Variants in FOXO1 observed in about 807,000 individuals in gnomAD.
FOXO1 encodes forkhead box O1.
In FOXO1, 6 loss-of-function variants were observed where a neutral mutation model predicts 44.1. The observed-to-expected ratio is 0.14, with a 90% CI of 0.07 to 0.27. The LOEUF (loss-of-function observed/expected upper bound fraction) is 0.27. Ranked by LOEUF, FOXO1 falls within the 10% of genes least tolerant of loss-of-function variation. The pLI is 1.00. For missense variants in FOXO1, 737 were observed against 888.8 expected (o/e 0.83, Z 2.17); for synonymous variants, 380 against 362.7 (o/e 1.05, Z -0.54).
intron 1 of FOXO1, among the ~76,000 whole-genome samples, chr13:40,665,333 T>G (rs528860376): frequency 6.6e-6 from 1 of 152,126 alleles, no homozygotes; most frequent in Non-Finnish European, 1.5e-5. Context: ...CTTGGCGCAC[T>G]TTCTTTACTT....
chr13:40,577,587 C>T (rs562449890), intron 1 of FOXO1, among the ~76,000 whole-genome samples: 1 of 152,334 alleles, frequency 6.6e-6, no homozygotes, highest in East Asian at 1.9e-4. Context: ...AGGAACACCA[C>T]ACCTTAGGTT....
intron 1 of FOXO1, chr13:40,620,407 T>C (rs1876569661): frequency 4.5e-6 from 3 of 666,136 alleles, no homozygotes; most frequent in East Asian, 3.1e-5. Context: ...AGTACCATAA[T>C]TCTTCCTAGG....
At chr13:40,658,904 C>A (rs1234239058) in intron 1 of FOXO1, among the ~76,000 whole-genome samples, 3 of 152,076 alleles carry the variant, frequency 2.0e-5, no homozygotes, top group Non-Finnish European at 4.4e-5. Context: ...CTCAGCTACT[C>A]AGGAGGCTGA....
intron 1 of FOXO1, among the ~76,000 whole-genome samples, chr13:40,575,239 G>A (rs542591220): frequency 2.0e-5 from 3 of 152,112 alleles, no homozygotes; most frequent in African/African-American, 7.2e-5. Context: ...AACACAGAAG[G>A]CAGAGGCAGG....
intron 1 of FOXO1, among the ~76,000 whole-genome samples, chr13:40,580,606 T>C (rs1040622459): frequency 1.3e-5 from 2 of 152,106 alleles, no homozygotes; most frequent in Non-Finnish European, 2.9e-5. Context: ...TATTAGATAT[T>C]ATGGGCACAA....
At chr13:40,658,382 G>C (rs1877922745) in intron 1 of FOXO1, among the ~76,000 whole-genome samples, 1 of 152,198 alleles carries the variant, frequency 6.6e-6, no homozygotes, top group Non-Finnish European at 1.5e-5. Flanking sequence ...TTGAAAACTA[G>C]GGAAAGAACT....
chr13:40,581,014 T>C (rs977617776), intron 1 of FOXO1, among the ~76,000 whole-genome samples: 7 of 152,108 alleles, frequency 4.6e-5, no homozygotes, highest in Non-Finnish European at 7.4e-5. Flanking sequence ...GGCAACAACA[T>C]TGGAAAGCCT....
intron 1 of FOXO1, among the ~76,000 whole-genome samples, chr13:40,624,317 T>TTTAA (rs781451856): frequency 9.9e-6 from 1 of 100,952 alleles, no homozygotes; most frequent in African/African-American, 3.4e-5. Context: ...TAATACTGCT[T>TTTAA]AAAAAAAAAA....
chr13:40,610,200 G>C (rs1361935165), intron 1 of FOXO1, among the ~76,000 whole-genome samples: 1 of 152,114 alleles, frequency 6.6e-6, no homozygotes, highest in Non-Finnish European at 1.5e-5. Flanking sequence ...GGTGCTTTTT[G>C]TGGAAGCATG....
At chr13:40,644,143 A>G (rs1356579136) in intron 1 of FOXO1, among the ~76,000 whole-genome samples, 1 of 152,234 alleles carries the variant, frequency 6.6e-6, no homozygotes, top group East Asian at 1.9e-4. Context: ...AGGGCATGCC[A>G]GTAAATATAT....
chr13:40,560,577 T>C lies in FOXO1; in HGVS notation c.914A>G (p.Asp305Gly). The change falls in exon 2 of 3, where the codon GAT (aspartate) becomes GGT (glycine). Residue 305 changes from aspartate (D) to glycine (G), a missense_variant. Coordinates refer to ENST00000379561, the MANE Select transcript of FOXO1 (RefSeq NM_002015.4). This position sits in a 1 kb window ranked among gnomAD's most constrained non-coding sequence, Gnocchi z 5.1. ...AAATGTACTCCAGTTATCAAAGTCA[T>C]CATTGCTGTGAGAGCCAGGGCTTGC... Reference protein sequence around the residue: ...WPASPGSHSNDDFDNWSTFRP... With the variant: ...WPASPGSHSNGDFDNWSTFRP... 6.2e-7 allele frequency: 1 copy of C among 1,614,170 alleles called. No homozygotes were observed. Among genetic ancestry groups the C allele is most frequent in the Non-Finnish European group, 8.5e-7 (1 of 1,180,026 alleles).
rs1351499100 is a variant in FOXO1, at chr13:40,634,320, A to G, written c.630+31263T>C. 2.6e-5 allele frequency among the ~76,000 whole-genome samples: 4 copies of G among 152,240 alleles called. No individual in the cohort carries two copies. In the East Asian group the frequency reaches 7.7e-4, roughly 29 times the overall value. Reference sequence around the variant, plus strand: ...GGTTCATATCCACACAACTGCATACAAGAAAATGTAATTATTACACCTTGC... The same window carrying G: ...GGTTCATATCCACACAACTGCATACGAGAAAATGTAATTATTACACCTTGC... On this transcript the variant is annotated intron_variant, in intron 1 of 2. Transcript: ENST00000379561.
In FOXO1 at chr13:40,624,317, T is replaced by TTAA. The variant is rs781451856; in HGVS notation, c.630+41265_630+41266insTTA. On this transcript the variant is annotated intron_variant, in intron 1 of 2. Transcript: ENST00000379561. ...AAAGCTCTTAAAAACTAATACTGCT[T>TTAA]AAAAAAAAAAAAAAAAAAAAAAGAT... Among the ~76,000 whole-genome samples, 73 of 100,990 alleles carry TTAA rather than the reference T, an allele frequency of 7.2e-4. 1 individual carries two copies. Among genetic ancestry groups the TTAA allele is most frequent in the East Asian group, 2.1e-3 (9 of 4,194 alleles). 66.3% of individuals were successfully genotyped at this position (100,990 alleles called of 152,430 possible).
intron 1 of FOXO1, among the ~76,000 whole-genome samples, chr13:40,616,524 A>G (rs1876428905): frequency 6.6e-6 from 1 of 152,216 alleles, no homozygotes; most frequent in African/African-American, 2.4e-5. Flanking sequence ...AAGAGGGACC[A>G]TGGAGGGCCA....
chr13:40,626,730 G>A (rs1377223117), intron 1 of FOXO1, among the ~76,000 whole-genome samples: 1 of 152,130 alleles, frequency 6.6e-6, no homozygotes, highest in Non-Finnish European at 1.5e-5. Flanking sequence ...CAAAGACACT[G>A]GCCCATGAAC....
chr13:40,584,494 A>AAAAAAAAAAAAAAAT, intron 1 of FOXO1, among the ~76,000 whole-genome samples: 1 of 145,264 alleles, frequency 6.9e-6, no homozygotes, highest in Non-Finnish European at 1.5e-5. Context: ...AAAAAAAAAA[A>AAAAAAAAAAAAAAAT]AAAAAAAGCC....
rs149848307 is a variant in FOXO1 at position 40,576,371 on chromosome 13, C to T, written c.631-15511G>A. Among the ~76,000 whole-genome samples the T allele has an allele frequency of 2.1e-3, 315 of 152,248 alleles. 2 individuals are homozygous for T. In the East Asian group the frequency reaches 0.028, roughly 13 times the overall value. On this transcript the variant is annotated intron_variant, in intron 1 of 2. Transcript: ENST00000379561. ...TTATAATGCAGAACCTAGAGCAAAG[C>T]GCCAAACCTGTCTTCCCACCTGGAT...
Position 40,560,613 on chromosome 13 carries a change from G to C in FOXO1, c.878C>G (p.Ser293Cys), listed in dbSNP as rs1219224814. 2 of 1,614,058 alleles carry C rather than the reference G, an allele frequency of 1.2e-6. No homozygotes were observed. Among genetic ancestry groups the C allele is most frequent in the Non-Finnish European group, 1.7e-6 (2 of 1,180,042 alleles). Residue 293 changes from serine (S) to cysteine (C), a missense_variant, in exon 2 of 3, where the codon TCC (serine) becomes TGC (cysteine). Ser to Cys is a moderately radical substitution (Grantham distance 112). Transcript: ENST00000379561. This position sits in a 1 kb window ranked among gnomAD's most constrained non-coding sequence, Gnocchi z 5.1. ...AGAGCCAGGGCTTGCAGGCCATTTG[G>C]AAAACTGTGATCCAGGGCTGTCCCC... The part of the protein sequence containing the change: ...GAGDSPGSQF[S>C]KWPASPGSHS...
intron 1 of FOXO1, among the ~76,000 whole-genome samples, chr13:40,614,018 C>T (rs1224723199): frequency 6.6e-6 from 1 of 152,190 alleles, no homozygotes; most frequent in Non-Finnish European, 1.5e-5. Flanking sequence ...CTTTCTTCTA[C>T]CATGCAACAC....
Sources: allele counts gnomAD v4.1 joint callset (sites outside exome capture counted in the v4.1 genomes callset), GRCh38; gene constraint gnomAD v4.1.1; non-coding constraint Gnocchi (gnomAD v3.1); transcripts MANE v1.5; gene names NCBI Gene and HGNC (gene_info 2026-07-23, HGNC 2026-07-21).